The following HS6ST3 variants were observed in gnomAD, a reference collection of about 807,000 sequenced individuals.
HS6ST3 encodes the protein heparan-sulfate 6-O-sulfotransferase 3.
A neutral mutation model predicts 36.7 loss-of-function variants in HS6ST3; 12 were observed. The observed-to-expected ratio is 0.33, with a 90% CI of 0.21 to 0.53. The LOEUF (loss-of-function observed/expected upper bound fraction) is 0.53. Among genes scored for constraint, HS6ST3 ranks in the 20% least tolerant of loss-of-function variants. The probability of loss-of-function intolerance (pLI) is 0.95; values close to 1 mark genes in which losing one functional copy is unlikely to be tolerated. For missense variants in HS6ST3, 584 were observed against 640.9 expected, an observed-to-expected ratio of 0.91 and a Z score of 0.96; for synonymous variants, 240 against 257.5, an observed-to-expected ratio of 0.93 and a Z score of 0.65.
chr13:96,703,759 T>G (rs908564471), intron 1 of HS6ST3, among the ~76,000 whole-genome samples: 2 of 152,224 alleles, frequency 1.3e-5, no homozygotes, highest in African/African-American at 4.8e-5. Flanking sequence ...TTTGGCTCTG[T>G]GTCCCCTTTC....
intron 1 of HS6ST3, among the ~76,000 whole-genome samples, chr13:96,704,966 A>C: frequency 6.6e-6 from 1 of 152,162 alleles, no homozygotes. Flanking sequence ...AATAAACTTT[A>C]TTCTTTAGAG....
chr13:96,363,936 A>C (rs1284394179), intron 1 of HS6ST3, among the ~76,000 whole-genome samples: 1 of 152,174 alleles, frequency 6.6e-6, no homozygotes, highest in Non-Finnish European at 1.5e-5. Context: ...AAAACTAGAA[A>C]ATAAATGAAA....
intron 1 of HS6ST3, among the ~76,000 whole-genome samples, chr13:96,104,202 C>T (rs1047093925): frequency 1.3e-5 from 2 of 151,974 alleles, no homozygotes; most frequent in African/African-American, 4.8e-5. Flanking sequence ...AAAGAAAGCA[C>T]GAAGTTACTT....
chr13:96,656,170 A>G (rs1488083791), intron 1 of HS6ST3, among the ~76,000 whole-genome samples: 3 of 152,288 alleles, frequency 2.0e-5, no homozygotes, highest in Non-Finnish European at 1.5e-5. Context: ...CTAATGTGGT[A>G]TTTGTAAAAT....
Position 96,499,317 on chromosome 13 carries a change from T to C in HS6ST3, c.708-333173T>C, listed in dbSNP as rs574625737. 1.8e-4 allele frequency among the ~76,000 whole-genome samples: 28 copies of C among 152,232 alleles called. 1 individual carries two copies. The South Asian group carries it at 5.4e-3, about 29-fold the overall frequency. On this transcript the variant is annotated intron_variant, in intron 1 of 1. Transcript: ENST00000376705. The stretch of plus-strand genomic sequence containing the variant: ...CTAGGATTACAGGCGTGAGCCACCA[T>C]GCCTGGCCCTGTTCACACATTTCTT...
At chr13:96,132,216 G>T (rs574315388) in intron 1 of HS6ST3, among the ~76,000 whole-genome samples, 2 of 151,082 alleles carry the variant, frequency 1.3e-5, no homozygotes, top group African/African-American at 2.4e-5. Context: ...AGACATGTGG[G>T]TTAATTCTGT....
intron 1 of HS6ST3, among the ~76,000 whole-genome samples, chr13:96,817,301 A>AT (rs1244070636): frequency 2.6e-5 from 4 of 152,110 alleles, no homozygotes; most frequent in Non-Finnish European, 5.9e-5. Flanking sequence ...CAGTGTTGGG[A>AT]TTTTTTATGC....
intron 1 of HS6ST3, among the ~76,000 whole-genome samples, chr13:96,158,159 A>T (rs1199402278): frequency 6.6e-6 from 1 of 152,220 alleles, no homozygotes; most frequent in African/African-American, 2.4e-5. Flanking sequence ...GTATAAGGGT[A>T]TCAAGGCTGT....
chr13:96,119,824 G>T (rs971178317), intron 1 of HS6ST3, among the ~76,000 whole-genome samples: 2 of 149,738 alleles, frequency 1.3e-5, no homozygotes, highest in Non-Finnish European at 3.0e-5. Context: ...CTAAAATATT[G>T]CCTTACGATT....
chr13:96,250,722 G>T (rs151179544), intron 1 of HS6ST3, among the ~76,000 whole-genome samples: 1 of 152,048 alleles, frequency 6.6e-6, no homozygotes, highest in Non-Finnish European at 1.5e-5. Context: ...ACTTCTCTCC[G>T]TTCGGCAAAA....
chr13:96,598,420 T>G (rs1042250715), intron 1 of HS6ST3, among the ~76,000 whole-genome samples: 8 of 152,132 alleles, frequency 5.3e-5, no homozygotes, highest in African/African-American at 1.9e-4. Flanking sequence ...GATATTTTAT[T>G]TTTTATTTTT....
At chr13:96,107,680 G>T (rs1446728848) in intron 1 of HS6ST3, among the ~76,000 whole-genome samples, 5 of 152,188 alleles carry the variant, frequency 3.3e-5, no homozygotes, top group Non-Finnish European at 5.9e-5. Context: ...CTGAAGCCAT[G>T]GCAGAAGAAC....
At chr13:96,795,299 C>T (rs548935291) in intron 1 of HS6ST3, among the ~76,000 whole-genome samples, 1 of 151,972 alleles carries the variant, frequency 6.6e-6, no homozygotes, top group Non-Finnish European at 1.5e-5. Flanking sequence ...TTAAAACCTT[C>T]TATTTTTAAT....
chr13:96,345,099 C>A (rs1229447505), intron 1 of HS6ST3, among the ~76,000 whole-genome samples: 3 of 152,146 alleles, frequency 2.0e-5, no homozygotes, highest in Non-Finnish European at 4.4e-5. Context: ...GAGAAACATC[C>A]TAGAATGAGG....
chr13:96,687,771 C>A (rs1566429898), intron 1 of HS6ST3, among the ~76,000 whole-genome samples: 1 of 151,746 alleles, frequency 6.6e-6, no homozygotes. Flanking sequence ...TCTTTTTAGG[C>A]ATACGGACAA....
intron 1 of HS6ST3, among the ~76,000 whole-genome samples, chr13:96,332,294 A>G (rs1050579096): frequency 6.6e-6 from 1 of 152,208 alleles, no homozygotes. Flanking sequence ...TAGAATACAT[A>G]AAAGGACTAT....
intron 1 of HS6ST3, among the ~76,000 whole-genome samples, chr13:96,553,519 C>A (rs960426653): frequency 9.9e-5 from 15 of 152,102 alleles, no homozygotes; most frequent in African/African-American, 3.6e-4. Context: ...TGAGTTGAAC[C>A]TTGGAGATTG....
intron 1 of HS6ST3, among the ~76,000 whole-genome samples, chr13:96,430,491 G>C (rs1195602578): frequency 6.6e-6 from 1 of 152,144 alleles, no homozygotes; most frequent in Non-Finnish European, 1.5e-5. Flanking sequence ...AGCTGACCTC[G>C]AGCTCTCCTG....
intron 1 of HS6ST3, among the ~76,000 whole-genome samples, chr13:96,779,076 A>T (rs903121962): frequency 6.6e-6 from 1 of 152,062 alleles, no homozygotes; most frequent in African/African-American, 2.4e-5. Context: ...GAAAAAGAAA[A>T]CCAAACACTG....
Sources: gnomAD v4.1 joint callset for allele counts (sites outside exome capture counted in the v4.1 genomes callset) on GRCh38, gnomAD v4.1.1 for gene constraint, MANE v1.5 for transcripts, NCBI Gene and HGNC (gene_info 2026-07-23, HGNC 2026-07-21) for gene names.